Variants in DGKB observed in about 807,000 individuals in gnomAD.
DGKB encodes the protein 90 kDa diacylglycerol kinase.
A neutral mutation model predicts 114.3 loss-of-function variants in DGKB; 67 were observed. That is an observed-to-expected ratio of 0.59 (90% CI 0.48 to 0.72). The LOEUF (loss-of-function observed/expected upper bound fraction) is 0.72, where lower values mean the gene tolerates loss of function less well. Among genes scored for constraint, DGKB ranks in the 30% least tolerant of loss-of-function variants. DGKB has a pLI of 0.00. For synonymous variants in DGKB, 398 were observed against 323.1 expected (o/e 1.23, Z -2.49); for missense variants, 907 against 975.2 (o/e 0.93, Z 0.93).
intron 13 of DGKB, among the ~76,000 whole-genome samples, chr7:14,669,227 A>T (rs549934593): frequency 6.6e-6 from 1 of 152,292 alleles, no homozygotes; most frequent in East Asian, 1.9e-4. Context: ...AAGTCAGATA[A>T]TTTCTGGTTC....
At chr7:14,514,231 A>G (rs1012893657) in intron 20 of DGKB, among the ~76,000 whole-genome samples, 25 of 152,046 alleles carry the variant, frequency 1.6e-4, no homozygotes, top group Non-Finnish European at 4.4e-5. Flanking sequence ...TTCTTGTTGA[A>G]CCATGATGAT....
intron 4 of DGKB, among the ~76,000 whole-genome samples, chr7:14,740,572 A>G (rs1318754682): frequency 6.6e-6 from 1 of 152,188 alleles, no homozygotes; most frequent in East Asian, 1.9e-4. Context: ...GCCCTAGGAA[A>G]GAAAACTGGA....
intron 9 of DGKB, among the ~76,000 whole-genome samples, chr7:14,686,782 G>T (rs543300601): frequency 6.6e-6 from 1 of 152,190 alleles, no homozygotes; most frequent in South Asian, 2.1e-4. Context: ...CTTCCTGGGC[G>T]ATAATTCTTG....
At position 14,213,715 on chromosome 7, in the gene DGKB, G is replaced by T. The variant is rs534357862; in HGVS notation, c.2123-35564C>A. Among the ~76,000 whole-genome samples the T allele has an allele frequency of 2.6e-4, 39 of 152,164 alleles. No homozygotes were observed. The South Asian group carries it at 5.2e-3, about 20-fold the overall frequency. On this transcript the variant is annotated intron_variant, in intron 23 of 25. Transcript: ENST00000402815. ...GCTGATTATTCTGGTTGCTGTTATT[G>T]CTCTGAGTAATAAACTAAATTTATC...
chr7:14,588,499 T>C (rs957661754), intron 17 of DGKB, among the ~76,000 whole-genome samples: 1 of 152,078 alleles, frequency 6.6e-6, no homozygotes, highest in African/African-American at 2.4e-5. Flanking sequence ...ATTCTTAGTT[T>C]GTTGTGGTGT....
chr7:14,490,022 A>G (rs1563308138), intron 20 of DGKB, among the ~76,000 whole-genome samples: 1 of 152,156 alleles, frequency 6.6e-6, no homozygotes, highest in South Asian at 2.1e-4. Flanking sequence ...AACATTCATT[A>G]ACTCAAGAAC....
At chr7:14,536,622 A>C (rs1034123161) in intron 20 of DGKB, among the ~76,000 whole-genome samples, 4 of 152,220 alleles carry the variant, frequency 2.6e-5, no homozygotes, top group African/African-American at 9.6e-5. Flanking sequence ...ACACTCTCTC[A>C]TGCTAAACCA....
At chr7:14,185,076 A>G (rs549865278) in intron 23 of DGKB, among the ~76,000 whole-genome samples, 1 of 152,286 alleles carries the variant, frequency 6.6e-6, no homozygotes, top group Non-Finnish European at 1.5e-5. Context: ...GTAAAGAGGA[A>G]GTAAAACTGT....
At chr7:14,915,186 G>A (rs1476339702) in intron 1 of DGKB, among the ~76,000 whole-genome samples, 2 of 152,108 alleles carry the variant, frequency 1.3e-5, no homozygotes, top group African/African-American at 4.8e-5. Flanking sequence ...GGGAAATACA[G>A]CAAGACCCTG....
chr7:14,609,788 A>C (rs62445601), intron 16 of DGKB, among the ~76,000 whole-genome samples: 12,715 of 151,990 alleles, frequency 0.084, 1,231 homozygotes, highest in African/African-American at 0.24. Flanking sequence ...CATCACTAAT[A>C]ATCATGGAAA....
At chr7:14,800,332 G>A (rs1438768253) in intron 2 of DGKB, among the ~76,000 whole-genome samples, 1 of 152,332 alleles carries the variant, frequency 6.6e-6, no homozygotes, top group African/African-American at 2.4e-5. Context: ...GGGTGTGTCT[G>A]TGAGGGTGTT....
chr7:14,306,484 T>C (rs1045978421), intron 23 of DGKB, among the ~76,000 whole-genome samples: 2 of 152,164 alleles, frequency 1.3e-5, no homozygotes, highest in Non-Finnish European at 2.9e-5. Flanking sequence ...ATGCCTAATA[T>C]GATATTAGCC....
intron 20 of DGKB, among the ~76,000 whole-genome samples, chr7:14,482,249 A>G (rs548108476): frequency 1.3e-5 from 2 of 152,164 alleles, no homozygotes; most frequent in East Asian, 1.9e-4. Context: ...AATGTTAACT[A>G]TTACTATTAC....
chr7:14,358,174 T>A (rs1259534000), intron 21 of DGKB, among the ~76,000 whole-genome samples: 1 of 152,194 alleles, frequency 6.6e-6, no homozygotes, highest in Non-Finnish European at 1.5e-5. Flanking sequence ...CTGGATAATA[T>A]CCTGAAGAAT....
Position 14,453,689 on chromosome 7 carries a change from C to T in DGKB, c.1835+24472G>A, listed in dbSNP as rs115694372. Among the ~76,000 whole-genome samples, 378 of 152,222 alleles carry T rather than the reference C, an allele frequency of 2.5e-3. 1 individual carries two copies. The highest frequency in any genetic ancestry group is 8.5e-3 in the African/African-American group (353 of 41,548). ...TTTCATCTATCACAGGAGTAGTAAA[C>T]TTTCTTTGTAAAGGCCCAGATAGTA... On this transcript the variant is annotated intron_variant, in intron 21 of 25. Coordinates refer to ENST00000402815, the MANE Select transcript of DGKB (RefSeq NM_001350709.2).
At chr7:14,549,297 T>C (rs1339420111) in intron 20 of DGKB, among the ~76,000 whole-genome samples, 1 of 152,112 alleles carries the variant, frequency 6.6e-6, no homozygotes, top group East Asian at 1.9e-4. Flanking sequence ...AGGCATGTGA[T>C]AGGGGTACAA....
At chr7:14,257,662 C>T (rs1562761596) in intron 23 of DGKB, among the ~76,000 whole-genome samples, 2 of 152,092 alleles carry the variant, frequency 1.3e-5, no homozygotes, top group South Asian at 2.1e-4. Flanking sequence ...AGGTGTCTTC[C>T]ATCATGATTA....
At chr7:14,712,532 A>G (rs970569049) in intron 6 of DGKB, among the ~76,000 whole-genome samples, 1 of 152,006 alleles carries the variant, frequency 6.6e-6, no homozygotes, top group Non-Finnish European at 1.5e-5. Flanking sequence ...TTAGCCAGGC[A>G]TAGTGACACA....
chr7:14,971,486 T>C (rs981171783), intron 1 of DGKB, among the ~76,000 whole-genome samples: 2 of 152,132 alleles, frequency 1.3e-5, no homozygotes, highest in Non-Finnish European at 2.9e-5. Context: ...TTTACAAGAA[T>C]TATGTGGTTC....
Sources: gnomAD v4.1 joint callset for allele counts (sites outside exome capture counted in the v4.1 genomes callset) on GRCh38, gnomAD v4.1.1 for gene constraint, MANE v1.5 for transcripts, NCBI Gene and HGNC (gene_info 2026-07-23, HGNC 2026-07-21) for gene names.